SELENOF: variants seen among roughly 807,000 people sequenced by gnomAD.
SELENOF encodes the protein selenoprotein F, also known as 15 kDa selenoprotein.
In SELENOF, 16 loss-of-function variants were observed where a neutral mutation model predicts 20.5. The ratio of observed to expected loss-of-function variants is 0.78; its 90% CI spans 0.53 to 1.19. SELENOF has a LOEUF of 1.19. Among genes scored for constraint, SELENOF ranks in the 50% most tolerant of loss-of-function variants. SELENOF has a pLI of 0.00. For synonymous variants in SELENOF, 78 were observed against 74.5 expected, an observed-to-expected ratio of 1.05 and a Z score of -0.24; for missense variants, 215 against 194.2, an observed-to-expected ratio of 1.11 and a Z score of -0.64.
chr1:86,883,471 T>TACACTAGTGTATAGTGTAC (rs1557460627), intron 2 of SELENOF, among the ~76,000 whole-genome samples: 1 of 151,582 alleles, frequency 6.6e-6, no homozygotes, highest in Non-Finnish European at 1.5e-5. Flanking sequence ...GTATAGTGTA[T>TACACTAGTGTATAGTGTAC]GTACACTAGT....
chr1:86,872,016 T>A (rs949272047), intron 3 of SELENOF, among the ~76,000 whole-genome samples: 3 of 152,120 alleles, frequency 2.0e-5, no homozygotes, highest in Non-Finnish European at 4.4e-5. Context: ...ACTTTCGGTA[T>A]ACAAGAAAAA....
intron 2 of SELENOF, among the ~76,000 whole-genome samples, chr1:86,884,942 G>A (rs1006884548): frequency 6.6e-6 from 1 of 152,130 alleles, no homozygotes; most frequent in African/African-American, 2.4e-5. Context: ...ACTTATGACC[G>A]TCAGATTTTT....
chr1:86,910,394 G>C (rs1659948817), intron 1 of SELENOF, among the ~76,000 whole-genome samples: 2 of 152,106 alleles, frequency 1.3e-5, no homozygotes, highest in African/African-American at 2.4e-5. Flanking sequence ...AAATGAGTAA[G>C]TTGATTCCTG....
intron 2 of SELENOF, among the ~76,000 whole-genome samples, chr1:86,889,449 C>G (rs1411258689): frequency 6.6e-6 from 1 of 152,040 alleles, no homozygotes; most frequent in Non-Finnish European, 1.5e-5. Flanking sequence ...TGAAAATCAG[C>G]TGGGTGTGGT....
At chr1:86,900,526 G>A (rs1282193627) in intron 2 of SELENOF, among the ~76,000 whole-genome samples, 2 of 152,148 alleles carry the variant, frequency 1.3e-5, no homozygotes, top group Non-Finnish European at 2.9e-5. Context: ...GCAGTGAGCC[G>A]AGATGGCAGC....
chr1:86,913,806 C>G (rs958968370), intron 1 of SELENOF: 1 of 579,412 alleles, frequency 1.7e-6, no homozygotes, highest in African/African-American at 1.9e-5. Context: ...AGCTACGTAC[C>G]CAAGACAATC....
chr1:86,893,823 G>A (rs1186159904), intron 2 of SELENOF, among the ~76,000 whole-genome samples: 1 of 152,136 alleles, frequency 6.6e-6, no homozygotes, highest in East Asian at 1.9e-4. Context: ...ACTATATAAA[G>A]CAGGTGACTT....
Position 86,914,059 on chromosome 1 carries a change from A to G in SELENOF, c.53T>C (p.Leu18Pro). 8.7e-6 allele frequency: 14 copies of G among 1,613,948 alleles called. No homozygotes were observed. The highest frequency in any genetic ancestry group is 2.2e-5 in the South Asian group (2 of 91,078). ...PSGCLVPAFG[L>P]RLLLATVLQA... ...AAGCACAGTCGCCAACAACAACCGT[A>G]GCCCAAACGCCGGCACCAGACACCC... The change falls in exon 1 of 5, where the codon CTA becomes CCA. Residue 18 changes from leucine to proline, a missense_variant. By Grantham distance (98) the Leu-to-Pro change is moderately conservative. Coordinates refer to ENST00000331835, the MANE Select transcript of SELENOF (RefSeq NM_004261.5).
chr1:86,912,433 C>T (rs189960001), intron 1 of SELENOF, among the ~76,000 whole-genome samples: 1 of 152,174 alleles, frequency 6.6e-6, no homozygotes, highest in African/African-American at 2.4e-5. Flanking sequence ...CTGGTATGCA[C>T]ACTTTGCAAA....
intron 1 of SELENOF, among the ~76,000 whole-genome samples, chr1:86,909,190 CT>C (rs1016362734): frequency 3.7e-4 from 57 of 152,280 alleles, no homozygotes; most frequent in Admixed American, 1.6e-3. Context: ...GCCACCTGAT[CT>C]TTTTTTCCCC....
chr1:86,900,036 C>T (rs866700649), intron 2 of SELENOF, among the ~76,000 whole-genome samples: 2 of 149,458 alleles, frequency 1.3e-5, no homozygotes, highest in African/African-American at 2.5e-5. Context: ...GGATGGCGGC[C>T]GGGAAGAGGC....
intron 3 of SELENOF, among the ~76,000 whole-genome samples, chr1:86,872,735 C>T (rs1658809677): frequency 6.6e-6 from 1 of 151,888 alleles, no homozygotes; most frequent in Non-Finnish European, 1.5e-5. Context: ...GAAACCCCGT[C>T]TCAATACAAA....
intron 4 of SELENOF, among the ~76,000 whole-genome samples, chr1:86,864,781 C>G (rs1461037640): frequency 6.6e-6 from 1 of 151,790 alleles, no homozygotes; most frequent in Non-Finnish European, 1.5e-5. Context: ...GGATTACAGG[C>G]CCCTGCTACC....
At chr1:86,906,491 AAC>A (rs1414293577) in intron 1 of SELENOF, among the ~76,000 whole-genome samples, 1 of 152,242 alleles carries the variant, frequency 6.6e-6, no homozygotes, top group Admixed American at 6.5e-5. Context: ...TGTTCTGAAC[AAC>A]AGAGTTTAAA....
intron 4 of SELENOF, among the ~76,000 whole-genome samples, chr1:86,865,030 T>C (rs1347017452): frequency 1.3e-5 from 2 of 152,224 alleles, no homozygotes; most frequent in East Asian, 3.9e-4. Flanking sequence ...AAAAAACTTA[T>C]TATAATCCCA....
At chr1:86,911,222 T>C (rs1659971570) in intron 1 of SELENOF, among the ~76,000 whole-genome samples, 1 of 152,200 alleles carries the variant, frequency 6.6e-6, no homozygotes, top group Non-Finnish European at 1.5e-5. Context: ...TTGGAGGAAG[T>C]GATTTCTCTA....
intron 4 of SELENOF, among the ~76,000 whole-genome samples, chr1:86,863,969 C>G (rs1011047120): frequency 6.6e-6 from 1 of 152,108 alleles, no homozygotes; most frequent in Non-Finnish European, 1.5e-5. Context: ...AATTACTTTA[C>G]TTTTAAAGAG....
At chr1:86,903,474 A>C (rs1449868079) in intron 1 of SELENOF, 26 bp from the exon 2 acceptor site, 1 of 1,557,472 alleles carries the variant, frequency 6.4e-7, no homozygotes, top group Non-Finnish European at 8.7e-7. Context: ...GGGAAATAAA[A>C]CACAATTCCA....
rs1214871080 is a variant in SELENOF, at chr1:86,863,439, G to GGT, written c.*33_*34dup. 6.4e-7 allele frequency: 1 copy of GGT among 1,572,170 alleles called. No homozygotes were observed. Among genetic ancestry groups the GGT allele is most frequent in the Non-Finnish European group, 8.7e-7 (1 of 1,152,052 alleles). ...GGTGCTGTAATATTTCATTTGATAAGGTAACAAAAGGATAGGACAAAATTT... is the reference window on the plus strand; with the variant it reads ...GGTGCTGTAATATTTCATTTGATAAGGTGTAACAAAAGGATAGGACAAAATTT... On this transcript the variant is annotated 3_prime_UTR_variant, in exon 5 of 5. Transcript: ENST00000331835.
Sources: allele counts gnomAD v4.1 joint callset (sites outside exome capture counted in the v4.1 genomes callset), GRCh38; gene constraint gnomAD v4.1.1; transcripts MANE v1.5; gene names NCBI Gene and HGNC (gene_info 2026-07-23, HGNC 2026-07-21).